Variants in DGKH observed in about 807,000 individuals in gnomAD.
DGKH encodes the protein DAG kinase eta.
In DGKH, 90 loss-of-function variants were observed where a neutral mutation model predicts 159.3. The observed-to-expected ratio is 0.57, with a 90% CI of 0.48 to 0.67. DGKH has a LOEUF of 0.67. Ranked by LOEUF, DGKH falls within the 30% of genes least tolerant of loss-of-function variation. DGKH has a pLI of 0.00. For synonymous variants in DGKH, 536 were observed against 553.8 expected (o/e 0.97, Z 0.45); for missense variants, 1,181 against 1,506.1 (o/e 0.78, Z 3.57).
At chr13:42,116,561 T>C (rs972342556) in intron 1 of DGKH, among the ~76,000 whole-genome samples, 3 of 152,208 alleles carry the variant, frequency 2.0e-5, no homozygotes, top group Non-Finnish European at 4.4e-5. Flanking sequence ...CAGCATCGCA[T>C]ATGAAAGTGT....
At chr13:42,250,865 T>G (rs562346580) in intron 29 of DGKH, among the ~76,000 whole-genome samples, 1 of 152,350 alleles carries the variant, frequency 6.6e-6, no homozygotes, top group African/African-American at 2.4e-5. Flanking sequence ...TATGTAGCAC[T>G]CTAATTAGCT....
chr13:42,254,502 G>A (rs1356192089), intron 30 of DGKH, among the ~76,000 whole-genome samples: 2 of 151,826 alleles, frequency 1.3e-5, no homozygotes, highest in South Asian at 2.1e-4. Context: ...GCATGGTGGC[G>A]GGTGCCTATA....
intron 1 of DGKH, among the ~76,000 whole-genome samples, chr13:42,127,134 C>A (rs534993111): frequency 6.6e-6 from 1 of 152,150 alleles, no homozygotes; most frequent in East Asian, 1.9e-4. Context: ...TCTGCTCTTT[C>A]GTAATCATAT....
In DGKH at chr13:42,206,047, G is replaced by A. The variant is rs772310731; in HGVS notation, c.2502G>A (p.Gly834=). The A allele has an allele frequency of 2.9e-6, 4 of 1,384,060 alleles. No individual in the cohort carries two copies. Among genetic ancestry groups the A allele is most frequent in the South Asian group, 4.0e-5 (2 of 49,698 alleles). The allele number at this position is 1,384,060 out of a possible 1,614,324, so 85.7% of individuals were successfully genotyped here. Residue 834 remains glycine (G), a synonymous_variant, in exon 21 of 30, where the codon GGG becomes GGA. Coordinates refer to ENST00000337343, the MANE Select transcript of DGKH (RefSeq NM_178009.5). ...LEQRVQLECD[G]QYIPLPSLQG... ...TTTTTTTTACCTTACAGTGTGATGG[G>A]CAGTATATTCCTCTTCCCAGCTTGC...
intron 30 of DGKH, among the ~76,000 whole-genome samples, chr13:42,253,993 C>CA (rs199651278): frequency 0.19 from 19,410 of 104,864 alleles, 1,269 homozygotes; most frequent in African/African-American, 0.22. Flanking sequence ...AGTGGGTTAC[C>CA]AAAAAAAAAA....
intron 1 of DGKH, among the ~76,000 whole-genome samples, chr13:42,121,123 A>G (rs892395049): frequency 8.0e-5 from 12 of 149,448 alleles, no homozygotes; most frequent in Non-Finnish European, 1.7e-4. Context: ...CGCACACAAG[A>G]CATTCCCTGA....
At chr13:42,199,062 C>A (rs1468330793) in intron 18 of DGKH, among the ~76,000 whole-genome samples, 1 of 152,160 alleles carries the variant, frequency 6.6e-6, no homozygotes, top group Non-Finnish European at 1.5e-5. Flanking sequence ...TTTGTTATAT[C>A]ATTTCTGTAA....
chr13:42,246,190 A>G (rs1305169592), downstream of DGKH, among the ~76,000 whole-genome samples: 1 of 152,160 alleles, frequency 6.6e-6, no homozygotes, highest in Non-Finnish European at 1.5e-5. Context: ...TTGTGCCACC[A>G]CCAGTACGTT....
At chr13:42,053,630 A>T (rs192330332) in intron 1 of DGKH, among the ~76,000 whole-genome samples, 3,669 of 143,002 alleles carry the variant, frequency 0.026, 121 homozygotes, top group African/African-American at 0.076. Context: ...ATATATATAT[A>T]TTTTTTTGAG....
chr13:42,160,130 G>C lies in DGKH; in HGVS notation c.849G>C (p.Lys283Asn), dbSNP rs1285154747. The C allele has an allele frequency of 6.2e-7, 1 of 1,614,252 alleles. No individual in the cohort carries two copies. Among genetic ancestry groups the C allele is most frequent in the Non-Finnish European group, 8.5e-7 (1 of 1,180,054 alleles). ...RLQDWKCLWCKTMVHTACKDL... is the reference protein window; with the variant it reads ...RLQDWKCLWCNTMVHTACKDL... ...AGGATTGGAAATGCCTTTGGTGTAA[G>C]ACAATGGTGAGGGTTTTGGAATCAG... Residue 283 changes from lysine (K) to asparagine (N), a missense_variant, in exon 7 of 30, where the codon AAG becomes AAC. Physicochemically the swap from Lys to Asn is moderately conservative, Grantham distance 94. This residue lies in a region of DGKH where 369 missense variants were observed against 519.4 expected (regional missense o/e 0.71). Coordinates refer to ENST00000337343, the MANE Select transcript of DGKH (RefSeq NM_178009.5).
At chr13:42,123,347 G>A (rs1955110717) in intron 1 of DGKH, among the ~76,000 whole-genome samples, 1 of 152,070 alleles carries the variant, frequency 6.6e-6, no homozygotes, top group Non-Finnish European at 1.5e-5. Flanking sequence ...ACTGAAAATT[G>A]GAATGACTAG....
intron 26 of DGKH, among the ~76,000 whole-genome samples, chr13:42,217,814 A>ATTGTAGACCAGGAG (rs1262654811): frequency 3.3e-5 from 5 of 152,096 alleles, no homozygotes; most frequent in African/African-American, 1.2e-4. Context: ...CAGGCAGCTC[A>ATTGTAGACCAGGAG]TTGTAGACCA....
intron 20 of DGKH, among the ~76,000 whole-genome samples, chr13:42,202,986 A>C (rs2138167382): frequency 6.6e-6 from 1 of 152,314 alleles, no homozygotes; most frequent in Non-Finnish European, 1.5e-5. Flanking sequence ...AACTTTAAAA[A>C]ACAGTCTTCA....
At chr13:42,253,278 C>G (rs968630351) in intron 30 of DGKH, among the ~76,000 whole-genome samples, 2 of 151,970 alleles carry the variant, frequency 1.3e-5, no homozygotes, top group Non-Finnish European at 2.9e-5. Context: ...GATTAATGCC[C>G]TTATAATAGA....
intron 1 of DGKH, among the ~76,000 whole-genome samples, chr13:42,065,905 T>A (rs1172913562): frequency 6.6e-6 from 1 of 152,164 alleles, no homozygotes; most frequent in Non-Finnish European, 1.5e-5. Flanking sequence ...TTAAAATTAT[T>A]ATTATTTTTT....
intron 24 of DGKH, among the ~76,000 whole-genome samples, chr13:42,213,511 TCC>T (rs1225960285): frequency 1.3e-5 from 2 of 152,232 alleles, no homozygotes. Context: ...ATAACCTTTA[TCC>T]ATCTCTGTTC....
At position 42,198,955 on chromosome 13, in the gene DGKH, T is replaced by C. The variant is rs190350474; in HGVS notation, c.2285+360T>C. Among the ~76,000 whole-genome samples, 40 of 152,322 alleles carry C rather than the reference T, an allele frequency of 2.6e-4. No homozygotes were observed. In the East Asian group the frequency reaches 5.4e-3, roughly 21 times the overall value. On this transcript the variant is annotated intron_variant, in intron 18 of 29. Transcript: ENST00000337343. Reference sequence around the variant, plus strand: ...CTTCTAGGTTTACTTATTTTGGGAATCTTTTGGCCCACACTGATCTCTTCC... The same window carrying C: ...CTTCTAGGTTTACTTATTTTGGGAACCTTTTGGCCCACACTGATCTCTTCC...
In DGKH at chr13:42,208,698, T is replaced by C. The variant is rs897688095; in HGVS notation, c.2602-261T>C. Among the ~76,000 whole-genome samples, 6 of 152,044 alleles carry C rather than the reference T, an allele frequency of 3.9e-5. No homozygotes were observed. The East Asian group carries it at 1.2e-3, about 29-fold the overall frequency. ...TTCCAAGGTGAATTATTTAGAAATATATTAGTTAACTGGTCCAAAGAGTAG... is the reference window on the plus strand; with the variant it reads ...TTCCAAGGTGAATTATTTAGAAATACATTAGTTAACTGGTCCAAAGAGTAG... On this transcript the variant is annotated intron_variant, in intron 21 of 29. Coordinates refer to ENST00000337343, the MANE Select transcript of DGKH (RefSeq NM_178009.5).
downstream of DGKH, among the ~76,000 whole-genome samples, chr13:42,244,766 T>C (rs1470081787): frequency 1.3e-5 from 2 of 148,780 alleles, no homozygotes; most frequent in East Asian, 3.9e-4. Flanking sequence ...TAGCCGGGCG[T>C]AGTGGCGGGC....
Sources: allele counts gnomAD v4.1 joint callset (sites outside exome capture counted in the v4.1 genomes callset), GRCh38; gene constraint gnomAD v4.1.1; regional missense constraint gnomAD v4.1.1; transcripts MANE v1.5; gene names NCBI Gene and HGNC (gene_info 2026-07-23, HGNC 2026-07-21).